The following POLM variants were observed in gnomAD, a reference collection of about 807,000 sequenced individuals.
POLM encodes DNA polymerase mu, also known as DNA-directed DNA/RNA polymerase mu.
POLM carries 52 observed loss-of-function variants against 56.7 expected under a neutral mutation model. The observed-to-expected ratio is 0.92, with a 90% CI of 0.73 to 1.15. The LOEUF (loss-of-function observed/expected upper bound fraction) is 1.15, where lower values mean the gene tolerates loss of function less well. Ranked by LOEUF, POLM falls within the 50% of genes most tolerant of loss-of-function variation. POLM has a pLI of 0.00. For missense variants in POLM, 660 were observed against 663.6 expected (o/e 0.99, Z 0.06); for synonymous variants, 273 against 274.3 (o/e 1.00, Z 0.05).
At chr7:44,081,809 G>T (rs896745586) in intron 1 of POLM, among the ~76,000 whole-genome samples, 1 of 149,998 alleles carries the variant, frequency 6.7e-6, no homozygotes, top group African/African-American at 2.5e-5. Flanking sequence ...GCAGTGGCGC[G>T]ATCTCGGCTC....
intron 8 of POLM, 32 bp downstream of exon 8, chr7:44,074,099 C>G: frequency 6.2e-7 from 1 of 1,606,438 alleles, no homozygotes; most frequent in East Asian, 2.2e-5. Flanking sequence ...CATTGGCCAG[C>G]GGTGGCTCTT....
chr7:44,073,286 C>A lies in POLM; in HGVS notation c.*5G>T, dbSNP rs775355425. The A allele has an allele frequency of 5.0e-6, 8 of 1,614,192 alleles. No individual in the cohort carries two copies. Among genetic ancestry groups the A allele is most frequent in the Non-Finnish European group, 6.8e-6 (8 of 1,180,000 alleles). ...CCTGAGTGGAAGTGGGGGACACAGGCAGGCTCAGGCGTTTCTCTGCTCTGG... is the reference window on the plus strand; with the variant it reads ...CCTGAGTGGAAGTGGGGGACACAGGAAGGCTCAGGCGTTTCTCTGCTCTGG... On this transcript the variant is annotated 3_prime_UTR_variant, in exon 11 of 11. Transcript: ENST00000242248.
intron 6 of POLM, chr7:44,076,256 G>C (rs1376159448): frequency 7.0e-6 from 3 of 429,750 alleles, no homozygotes; most frequent in Non-Finnish European, 1.3e-5. Context: ...CCTGGTCACT[G>C]GTCAAAGTCT....
rs1012903159 is a variant in POLM at position 44,080,895 on chromosome 7, CACA to C, written c.207_209del (p.Val70del). On this transcript the variant is annotated inframe_deletion, in exon 2 of 11. Coordinates refer to ENST00000242248, the MANE Select transcript of POLM (RefSeq NM_013284.4). Reference sequence around the variant, plus strand: ...CCTCCTCTGCTGAGGTCTCTTCCATCACAACATGTGTCGCTTCGGAGCTGGTGG... The same window carrying C: ...CCTCCTCTGCTGAGGTCTCTTCCATCACATGTGTCGCTTCGGAGCTGGTGG... 5.0e-6 allele frequency: 8 copies of C among 1,584,998 alleles called. No homozygotes were observed. Among genetic ancestry groups the C allele is most frequent in the South Asian group, 1.2e-5 (1 of 86,430 alleles).
At chr7:44,079,500 C>T (rs2096193303) in intron 4 of POLM, 71 bp downstream of exon 4, 2 of 1,459,586 alleles carry the variant, frequency 1.4e-6, no homozygotes, top group African/African-American at 1.4e-5. Context: ...CCACAGCACC[C>T]TCTGCTGTCT....
Position 44,073,140 on chromosome 7 carries a change from C to T in POLM, c.*151G>A. The T allele has an allele frequency of 6.6e-7, 1 of 1,516,766 alleles. No homozygotes were observed. The highest frequency in any genetic ancestry group is 8.8e-7 in the Non-Finnish European group (1 of 1,131,814). The allele number at this position is 1,516,766 out of a possible 1,614,324, so 94.0% of individuals were successfully genotyped here. A position where few individuals can be genotyped will look rare whatever the true frequency, so the allele number is the denominator to read the frequency against. The stretch of plus-strand genomic sequence containing the variant: ...CACACCAGCAGGGGCTCAACTGATC[C>T]TGCAGGCACAATTGACCTCCGGAAG... On this transcript the variant is annotated 3_prime_UTR_variant, in exon 11 of 11. Transcript: ENST00000242248.
At chr7:44,079,442 G>T in intron 4 of POLM, 129 bp downstream of exon 4, 1 of 809,436 alleles carries the variant, frequency 1.2e-6, no homozygotes, top group Non-Finnish European at 2.0e-6. Flanking sequence ...GGCTTGTTGA[G>T]GCCTTGGAGC....
At position 44,076,575 on chromosome 7, in the gene POLM, C is replaced by G. The variant is rs748545450; in HGVS notation, c.769G>C (p.Glu257Gln). The G allele has an allele frequency of 6.2e-7, 1 of 1,614,120 alleles. No homozygotes were observed. Among genetic ancestry groups the G allele is most frequent in the South Asian group, 1.1e-5 (1 of 91,068 alleles). The change falls in exon 6 of 11, where the codon GAA (glutamate) becomes CAA (glutamine). Residue 257 changes from glutamate (E) to glutamine (Q), a missense_variant. Coordinates refer to ENST00000242248, the MANE Select transcript of POLM (RefSeq NM_013284.4). ...GVKTADRWYR[E>Q]GLRTLDDLRE... ...AGGTCATCTAAGGTTCGCAGTCCTTCCCGGTACCACCGGTCAGCAGTCTTC... is the reference window on the plus strand; with the variant it reads ...AGGTCATCTAAGGTTCGCAGTCCTTGCCGGTACCACCGGTCAGCAGTCTTC...
intron 6 of POLM, 67 bp from the exon 7 acceptor site, chr7:44,074,597 C>G: frequency 6.8e-7 from 1 of 1,463,662 alleles, no homozygotes. Context: ...CATCCCTCAC[C>G]AGCATGAGGT....
In POLM at chr7:44,079,601, G is replaced by A. The variant is rs370404484; in HGVS notation, c.612C>T (p.His204=). 69 of 1,598,434 alleles carry A rather than the reference G, an allele frequency of 4.3e-5. No individual in the cohort carries two copies. Among genetic ancestry groups the A allele is most frequent in the Non-Finnish European group, 5.7e-5 (67 of 1,170,824 alleles). Residue 204 remains histidine (H), a synonymous_variant, in exon 4 of 11, where the codon CAC becomes CAT. Transcript: ENST00000242248. ...TTLSQLQGLP[H]FGEHSSRVVQ... is the part of the protein sequence containing the mutation. ...CAACCCTAGAGGAGTGTTCTCCAAAGTGGGGAAGCCCCTGCAGCTGGCTCA... is the reference window on the plus strand; with the variant it reads ...CAACCCTAGAGGAGTGTTCTCCAAAATGGGGAAGCCCCTGCAGCTGGCTCA...
Position 44,073,152 on chromosome 7 carries a change from T to A in POLM, c.*139A>T. The A allele has an allele frequency of 6.5e-7, 1 of 1,533,732 alleles. No individual in the cohort carries two copies. Among genetic ancestry groups the A allele is most frequent in the Non-Finnish European group, 8.8e-7 (1 of 1,139,964 alleles). On this transcript the variant is annotated 3_prime_UTR_variant, in exon 11 of 11. Coordinates refer to ENST00000242248, the MANE Select transcript of POLM (RefSeq NM_013284.4). ...GGCTCAACTGATCCTGCAGGCACAA[T>A]TGACCTCCGGAAGAGCCAGGCCTTG...
chr7:44,077,708 G>T (rs2128801922), intron 5 of POLM, among the ~76,000 whole-genome samples: 1 of 152,126 alleles, frequency 6.6e-6, no homozygotes, highest in South Asian at 2.1e-4. Flanking sequence ...AGTGCCCCTT[G>T]CCCCCTTCCC....
At chr7:44,077,851 C>CA (rs2096187982) in intron 5 of POLM, among the ~76,000 whole-genome samples, 1 of 152,218 alleles carries the variant, frequency 6.6e-6, no homozygotes, top group African/African-American at 2.4e-5. Context: ...ACTTCACTGA[C>CA]AGTTATCCAT....
Position 44,079,739 on chromosome 7 carries a change from C to A in POLM, c.474G>T (p.Glu158Asp). The change falls in exon 4 of 11, where the codon GAG becomes GAT. Residue 158 changes from glutamate to aspartate, a missense_variant and splice_region_variant. Transcript: ENST00000242248. ...CTGCCTCGGCCAGTATCTCCAGAGC[C>A]TCCTGCAGGGAGGGGCCCTAGGTAA... ...PLTHHNTGLS[E>D]ALEILAEAAG... is the part of the protein sequence containing the mutation. The A allele has an allele frequency of 6.2e-7, 1 of 1,609,274 alleles. No homozygotes were observed.
intron 1 of POLM, among the ~76,000 whole-genome samples, chr7:44,081,293 A>T (rs781555653): frequency 4.6e-5 from 7 of 152,058 alleles, no homozygotes; most frequent in Admixed American, 4.6e-4. Context: ...CCTGCCACAT[A>T]CTTGTTTGGC....
intron 3 of POLM, 25 bp from the exon 4 acceptor site, chr7:44,079,766 G>A: frequency 1.2e-6 from 2 of 1,610,442 alleles, no homozygotes; most frequent in Non-Finnish European, 1.7e-6. Context: ...CCTAGGTAAG[G>A]GGCAGGGTGG....
intron 2 of POLM, chr7:44,080,510 T>C (rs1446447962): frequency 1.4e-6 from 1 of 696,084 alleles, no homozygotes; most frequent in Non-Finnish European, 2.6e-6. Flanking sequence ...AGAATTTGCA[T>C]CAGTGGTGAG....
At position 44,074,434 on chromosome 7, in the gene POLM, G is replaced by A. The variant is rs374439413; in HGVS notation, c.932C>T (p.Pro311Leu). ...GCCGGTCAGCGTGACGGTGGCCCCA[G>A]GCAGGGCCTGCCCCACAGCTTCCTC... ...VVEEAVGQAL[P>L]GATVTLTGGF... The change falls in exon 7 of 11, where the codon CCT (proline) becomes CTT (leucine). Residue 311 changes from proline (P) to leucine (L), a missense_variant. By Grantham distance (98) the Pro-to-Leu change is moderately conservative. Coordinates refer to ENST00000242248, the MANE Select transcript of POLM (RefSeq NM_013284.4). 1 of 1,567,574 alleles carries A rather than the reference G, an allele frequency of 6.4e-7. No homozygotes were observed. The highest frequency in any genetic ancestry group is 8.6e-7 in the Non-Finnish European group (1 of 1,156,306).
chr7:44,079,498 C>T, intron 4 of POLM, 73 bp downstream of exon 4: 1 of 1,441,624 alleles, frequency 6.9e-7, no homozygotes, highest in Non-Finnish European at 9.6e-7. Context: ...CCCCACAGCA[C>T]CCTCTGCTGT....
Sources: allele counts gnomAD v4.1 joint callset (sites outside exome capture counted in the v4.1 genomes callset), GRCh38; gene constraint gnomAD v4.1.1; transcripts MANE v1.5; gene names NCBI Gene and HGNC (gene_info 2026-07-23, HGNC 2026-07-21).